SF3B3: variants seen among roughly 807,000 people sequenced by gnomAD.
SF3B3 encodes the protein SAP 130.
In SF3B3, 33 loss-of-function variants were observed where a neutral mutation model predicts 139.2. The observed-to-expected ratio is 0.24, with a 90% confidence interval of 0.18 to 0.32. The LOEUF is 0.32. Among genes scored for constraint, SF3B3 ranks in the 10% least tolerant of loss-of-function variants. SF3B3 has a pLI of 1.00. For synonymous variants in SF3B3, 596 were observed against 563.6 expected (o/e 1.06, Z -0.81); for missense variants, 818 against 1,509.4 (o/e 0.54, Z 7.59).
chr16:70,559,037 G>T (rs1341330335), intron 15 of SF3B3, among the ~76,000 whole-genome samples: 1 of 152,174 alleles, frequency 6.6e-6, no homozygotes, highest in Non-Finnish European at 1.5e-5. Context: ...GTTTACTCCT[G>T]TTGCATCACG....
chr16:70,536,717 C>T (rs2050171853), intron 6 of SF3B3, among the ~76,000 whole-genome samples: 1 of 151,888 alleles, frequency 6.6e-6, no homozygotes, highest in African/African-American at 2.4e-5. Context: ...GTCCCAAACT[C>T]CTGACCTCAA....
intron 2 of SF3B3, among the ~76,000 whole-genome samples, chr16:70,528,528 A>G (rs138056541): frequency 2.6e-3 from 382 of 144,444 alleles, no homozygotes; most frequent in Admixed American, 5.1e-3. Flanking sequence ...ATGGAGTGCA[A>G]TGGCAGGATT....
chr16:70,557,177 T>C, intron 15 of SF3B3, 148 bp downstream of exon 15: 1 of 779,260 alleles, frequency 1.3e-6, no homozygotes, highest in Non-Finnish European at 2.0e-6. Context: ...GTTCCACTTT[T>C]CTCAGCTCTT....
chr16:70,549,934 A>G (rs927418188), intron 11 of SF3B3, among the ~76,000 whole-genome samples: 9 of 152,188 alleles, frequency 5.9e-5, no homozygotes, highest in Admixed American at 4.6e-4. Flanking sequence ...CAAAAAAAGA[A>G]AAAGAAAAGA....
At chr16:70,565,978 A>G (rs892288454) in intron 20 of SF3B3, among the ~76,000 whole-genome samples, 2 of 152,138 alleles carry the variant, frequency 1.3e-5, no homozygotes, top group African/African-American at 4.8e-5. Context: ...TCAGCCAGGC[A>G]TGGCGGCACG....
chr16:70,552,721 A>G (rs1456874005), intron 11 of SF3B3, among the ~76,000 whole-genome samples: 1 of 152,196 alleles, frequency 6.6e-6, no homozygotes, highest in Non-Finnish European at 1.5e-5. Context: ...TTCAGCCACC[A>G]CAGTAGGTAC....
chr16:70,525,875 G>A (rs925043789), intron 1 of SF3B3, among the ~76,000 whole-genome samples: 1 of 150,372 alleles, frequency 6.7e-6, no homozygotes, highest in Non-Finnish European at 1.5e-5. Flanking sequence ...GCAGGAGAAT[G>A]GTGTGAACCC....
chr16:70,564,684 C>A (rs911889321), intron 18 of SF3B3, among the ~76,000 whole-genome samples: 1 of 152,172 alleles, frequency 6.6e-6, no homozygotes, highest in Non-Finnish European at 1.5e-5. Context: ...GCTACAACCA[C>A]GTAGAACTGT....
rs2050563013 is a variant in SF3B3 at position 70,574,891 on chromosome 16, A to G, written c.*3078A>G. 1.3e-5 allele frequency: 2 copies of G among 152,174 alleles called. No homozygotes were observed. Among genetic ancestry groups the G allele is most frequent in the African/African-American group, 4.8e-5 (2 of 41,430 alleles). The allele number at this position is 152,174 out of a possible 1,614,324, so 9.4% of individuals were successfully genotyped here. ...ATATTGTATGTGAATATTTTATTAC[A>G]CCCTTAAAATTAATTTTCAAGGGCT... is the stretch of plus-strand genomic sequence containing the variant. On this transcript the variant is annotated 3_prime_UTR_variant, in exon 26 of 26. Transcript: ENST00000302516.
At chr16:70,556,464 C>T in intron 14 of SF3B3, 130 bp downstream of exon 14, 2 of 938,066 alleles carry the variant, frequency 2.1e-6, no homozygotes, top group Admixed American at 4.2e-5. Flanking sequence ...AGAATCCATA[C>T]CTGCTGCTTC....
intron 6 of SF3B3, 22 bp from the exon 7 acceptor site, chr16:70,538,301 A>G (rs763268261): frequency 6.2e-7 from 1 of 1,609,470 alleles, no homozygotes; most frequent in South Asian, 1.1e-5. Context: ...TAAGACATTG[A>G]TTGTGTTTTT....
At chr16:70,558,218 C>T (rs1011633241) in intron 15 of SF3B3, among the ~76,000 whole-genome samples, 3 of 151,720 alleles carry the variant, frequency 2.0e-5, no homozygotes, top group Non-Finnish European at 2.9e-5. Flanking sequence ...AGGTGAACTA[C>T]AGGTGTAATT....
intron 7 of SF3B3, 22 bp from the exon 8 acceptor site, chr16:70,539,082 A>G (rs765814628): frequency 1.9e-6 from 3 of 1,545,354 alleles, no homozygotes; most frequent in Non-Finnish European, 2.7e-6. Context: ...TTTGTACACC[A>G]GAATGTTTCT....
intron 25 of SF3B3, among the ~76,000 whole-genome samples, chr16:70,571,444 G>C (rs753344192): frequency 1.3e-5 from 2 of 152,190 alleles, no homozygotes; most frequent in Non-Finnish European, 2.9e-5. Context: ...CGGTCTGGGC[G>C]TGGTGGCACA....
intron 16 of SF3B3, chr16:70,561,418 G>A (rs1345166634): frequency 1.8e-6 from 1 of 555,106 alleles, no homozygotes; most frequent in East Asian, 3.0e-5. Context: ...GGTGAGTCTA[G>A]ATCATATGGC....
chr16:70,546,450 G>A lies in SF3B3; in HGVS notation c.1329+1917G>A, dbSNP rs185192787. ...CTGGATCACCCAAGGTCAGGAGTTC[G>A]AGACCAGCCTGGCCAACATGGTGAA... On this transcript the variant is annotated intron_variant, in intron 10 of 25. Coordinates refer to ENST00000302516, the MANE Select transcript of SF3B3 (RefSeq NM_012426.5). Among the ~76,000 whole-genome samples, 59 of 152,262 alleles carry A rather than the reference G, an allele frequency of 3.9e-4. No individual in the cohort carries two copies. In the East Asian group the frequency reaches 0.011, roughly 28 times the overall value.
In SF3B3 at chr16:70,528,846, T is replaced by G. The variant is rs200010321; in HGVS notation, c.71-27T>G. The stretch of plus-strand genomic sequence containing the variant: ...GTGGCCAGGCTGGGTTCTGGTTGTT[T>G]ATGATCTTTATTTTTTGGTGATCTA... On this transcript the variant is annotated intron_variant, in intron 2 of 25. Coordinates refer to ENST00000302516, the MANE Select transcript of SF3B3 (RefSeq NM_012426.5). 4.0e-5 allele frequency: 62 copies of G among 1,564,848 alleles called. No homozygotes were observed. In the East Asian group the frequency reaches 9.0e-4, roughly 23 times the overall value.
At chr16:70,552,064 CTCTTA>C (rs2050332699) in intron 11 of SF3B3, among the ~76,000 whole-genome samples, 3 of 152,180 alleles carry the variant, frequency 2.0e-5, no homozygotes, top group Non-Finnish European at 4.4e-5. Context: ...AGCATTTATT[CTCTTA>C]TGTTTGAGTA....
intron 2 of SF3B3, 125 bp downstream of exon 2, chr16:70,526,851 A>G (rs140812936): frequency 5.9e-6 from 4 of 679,338 alleles, no homozygotes; most frequent in East Asian, 2.8e-5. Flanking sequence ...AAACAATTCA[A>G]ATTATGAGAT....
Sources: allele counts gnomAD v4.1 joint callset (sites outside exome capture counted in the v4.1 genomes callset), GRCh38; gene constraint gnomAD v4.1.1; transcripts MANE v1.5; gene names NCBI Gene and HGNC (gene_info 2026-07-23, HGNC 2026-07-21).